The following SMARCA4 variants were observed in gnomAD, a reference collection of about 807,000 sequenced individuals.
The protein encoded by SMARCA4 is SWI/SNF-related matrix-associated actin-dependent regulator of chromatin subfamily A member 4.
Under a neutral mutation model 193.9 loss-of-function variants are expected in SMARCA4, and 31 were observed. That is an observed-to-expected ratio of 0.16 (90% confidence interval 0.12 to 0.22). The LOEUF (loss-of-function observed/expected upper bound fraction) is 0.22, where lower values mean the gene tolerates loss of function less well. Ranked by LOEUF, SMARCA4 falls within the 10% of genes least tolerant of loss-of-function variation. The pLI is 1.00. For missense variants in SMARCA4, 1,148 were observed against 2,296.0 expected (o/e 0.50, Z 10.22); for synonymous variants, 942 against 933.1 (o/e 1.01, Z -0.17).
chr19:11,034,081 C>A lies in SMARCA4; in HGVS notation c.3874-42C>A, dbSNP rs2146675173. Reference sequence around the variant, plus strand: ...CCTCTGAGCTCGGCCGCCGCCCACCCCGGCCCCTCCTCAGCGGCACTGACA... The same window carrying A: ...CCTCTGAGCTCGGCCGCCGCCCACCACGGCCCCTCCTCAGCGGCACTGACA... On this transcript the variant is annotated intron_variant, in intron 27 of 34. Transcript: ENST00000344626. This position sits in a 1 kb window ranked among gnomAD's most constrained non-coding sequence, Gnocchi z 7.0. 1.3e-6 allele frequency: 2 copies of A among 1,532,584 alleles called. No homozygotes were observed. Among genetic ancestry groups the A allele is most frequent in the Non-Finnish European group, 1.8e-6 (2 of 1,106,872 alleles). The allele number at this position is 1,532,584 out of a possible 1,614,324, so 94.9% of individuals were successfully genotyped here. A position where few individuals can be genotyped will look rare whatever the true frequency, so the allele number is the denominator to read the frequency against.
Position 10,993,252 on chromosome 19 carries a change from C to T in SMARCA4, c.1420-1576C>T, listed in dbSNP as rs113650098. Among the ~76,000 whole-genome samples the T allele has an allele frequency of 3.7e-3, 556 of 152,310 alleles. 7 individuals carry two copies. The highest frequency in any genetic ancestry group is 0.012 in the African/African-American group (517 of 41,566). ...CCGCCTGCCTTGGCCTTCCAAAGTG[C>T]TGGAATTACAGGCGTGAGCCGCTGC... is the stretch of plus-strand genomic sequence containing the variant. On this transcript the variant is annotated intron_variant, in intron 8 of 34. Transcript: ENST00000344626.
In SMARCA4 at chr19:11,025,409, A is replaced by G. The variant is rs757235327; in HGVS notation, c.3082-13A>G. On this transcript the variant is annotated splice_polypyrimidine_tract_variant and intron_variant, in intron 21 of 34. Coordinates refer to ENST00000344626, the MANE Select transcript of SMARCA4 (RefSeq NM_003072.5). ...GCAAGACCCCATTTGGGTCCCTCTCATCTGCCTTCCAGGGCAAAGGCGGCA... is the reference window on the plus strand; with the variant it reads ...GCAAGACCCCATTTGGGTCCCTCTCGTCTGCCTTCCAGGGCAAAGGCGGCA... The G allele has an allele frequency of 1.2e-6, 2 of 1,608,076 alleles. No homozygotes were observed. The highest frequency in any genetic ancestry group is 2.2e-5 in the East Asian group (1 of 44,782).
intron 14 of SMARCA4, among the ~76,000 whole-genome samples, chr19:11,009,319 C>T: frequency 6.6e-6 from 1 of 151,948 alleles, no homozygotes; most frequent in East Asian, 1.9e-4. Context: ...CGCACCTGGC[C>T]AGAGTTACTT....
At chr19:11,059,910 G>C (rs555107330) in intron 33 of SMARCA4, 25 bp downstream of exon 33, 1 of 1,613,632 alleles carries the variant, frequency 6.2e-7, no homozygotes, top group Non-Finnish European at 8.5e-7. Context: ...GGTTCAGGAC[G>C]CCGGGGTTCA....
At chr19:11,046,948 C>CAAAAAAAA (rs35450843) in intron 30 of SMARCA4, among the ~76,000 whole-genome samples, 2 of 91,834 alleles carry the variant, frequency 2.2e-5, no homozygotes, top group Non-Finnish European at 2.2e-5. Flanking sequence ...GACCCTGTTG[C>CAAAAAAAA]AAAAAAAAAA....
In SMARCA4 at chr19:10,987,147, G is replaced by A. The variant is rs890563527; in HGVS notation, c.859+144G>A. ...CTGTACTTTTCTTGTGGTGGTCCCC[G>A]GGTCTCCCCTGTAGCCAGTCAGTTC... On this transcript the variant is annotated intron_variant, in intron 5 of 34. Coordinates refer to ENST00000344626, the MANE Select transcript of SMARCA4 (RefSeq NM_003072.5). This position sits in a 1 kb window ranked among gnomAD's most constrained non-coding sequence, Gnocchi z 5.3. 4 of 688,328 alleles carry A rather than the reference G, an allele frequency of 5.8e-6. No homozygotes were observed. Among genetic ancestry groups the A allele is most frequent in the Non-Finnish European group, 1.0e-5 (4 of 381,596 alleles). The allele number at this position is 688,328 out of a possible 1,614,324, so 42.6% of individuals were successfully genotyped here.
At chr19:11,046,451 C>T (rs1163946214) in intron 30 of SMARCA4, among the ~76,000 whole-genome samples, 1 of 152,158 alleles carries the variant, frequency 6.6e-6, no homozygotes, top group East Asian at 1.9e-4. Context: ...TCACATCTTA[C>T]TGGAATGGAT....
At chr19:11,021,244 C>T in intron 18 of SMARCA4, 1 of 321,006 alleles carries the variant, frequency 3.1e-6, no homozygotes, top group Non-Finnish European at 6.2e-6. Context: ...ACCCGCATGG[C>T]CCTGTATGTA....
intron 29 of SMARCA4, chr19:11,039,479 C>G: frequency 6.2e-7 from 1 of 1,602,558 alleles, no homozygotes; most frequent in Non-Finnish European, 8.5e-7. Context: ...AAAAGATATC[C>G]ATGACACAGC....
At chr19:10,976,248 A>G (rs999420589) in intron 1 of SMARCA4, among the ~76,000 whole-genome samples, 1 of 152,114 alleles carries the variant, frequency 6.6e-6, no homozygotes, top group African/African-American at 2.4e-5. Context: ...GTCCTTAGAC[A>G]CCTTTCCTGG....
chr19:10,967,411 C>T (rs1043971552), intron 1 of SMARCA4, among the ~76,000 whole-genome samples: 21 of 151,538 alleles, frequency 1.4e-4, no homozygotes, highest in African/African-American at 3.6e-4. Flanking sequence ...TCCGGGTTCA[C>T]GCCATTCTCC....
At chr19:10,981,901 C>T (rs1481803406) in intron 1 of SMARCA4, among the ~76,000 whole-genome samples, 2 of 151,682 alleles carry the variant, frequency 1.3e-5, no homozygotes, top group South Asian at 2.1e-4. Flanking sequence ...GGCAGGAGGA[C>T]GGCTTGAGCC....
chr19:11,036,552 C>T (rs1190972274), intron 29 of SMARCA4, among the ~76,000 whole-genome samples: 1 of 152,192 alleles, frequency 6.6e-6, no homozygotes, highest in African/African-American at 2.4e-5. Flanking sequence ...AGCCACGGTG[C>T]CCAGCTCAGC....
Position 11,041,663 on chromosome 19 carries a change from C to CT in SMARCA4, c.4424+106dup. On this transcript the variant is annotated intron_variant, in intron 30 of 34. Coordinates refer to ENST00000344626, the MANE Select transcript of SMARCA4 (RefSeq NM_003072.5). This position sits in a 1 kb window ranked among gnomAD's most constrained non-coding sequence, Gnocchi z 5.6. ...CACACTCAGGCTTGGGCCGCTCACTCTTTCACTCATCCACAAACACTGACT... is the reference window on the plus strand; with the variant it reads ...CACACTCAGGCTTGGGCCGCTCACTCTTTTCACTCATCCACAAACACTGACT... The CT allele has an allele frequency of 5.1e-6, 5 of 988,462 alleles. No individual in the cohort carries two copies. Among genetic ancestry groups the CT allele is most frequent in the Non-Finnish European group, 7.6e-6 (5 of 661,442 alleles). 61.2% of individuals were successfully genotyped at this position (988,462 alleles called of 1,614,324 possible). A position where few individuals can be genotyped will look rare whatever the true frequency, so the allele number is the denominator to read the frequency against.
At chr19:10,991,084 CGTGTTTGTCATT>C in intron 7 of SMARCA4, 54 bp from the exon 8 acceptor site, 1 of 1,601,598 alleles carries the variant, frequency 6.2e-7, no homozygotes, top group Non-Finnish European at 8.5e-7. Flanking sequence ...CATCACCATA[CGTGTTTGTCATT>C]GTGGATGCCA....
chr19:11,013,440 A>C (rs1265365588), intron 16 of SMARCA4, among the ~76,000 whole-genome samples: 2 of 151,988 alleles, frequency 1.3e-5, no homozygotes, highest in African/African-American at 2.4e-5. Context: ...CTTTAACTTC[A>C]TTGCCTCTGT....
chr19:11,019,647 C>T lies in SMARCA4; in HGVS notation c.2562C>T (p.Asn854=), dbSNP rs369724341. ...FVPQLRSGKF[N]VLLTTYEYII... is the part of the protein sequence containing the mutation. ...CCCAGCTCCGGAGTGGGAAGTTCAA[C>T]GTCTTGCTGACGACGTACGAGTACA... Residue 854 remains asparagine, a synonymous_variant, in exon 18 of 35, where the codon AAC becomes AAT. Transcript: ENST00000344626. The surrounding 1 kb of genome is among the most constrained non-coding windows in gnomAD (Gnocchi z 6.1). The T allele has an allele frequency of 2.2e-5, 35 of 1,613,592 alleles. No homozygotes were observed. Among genetic ancestry groups the T allele is most frequent in the Admixed American group, 6.7e-5 (4 of 59,970 alleles).
chr19:11,011,523 C>A (rs1430422249), intron 15 of SMARCA4, among the ~76,000 whole-genome samples: 11 of 152,172 alleles, frequency 7.2e-5, no homozygotes, highest in Admixed American at 6.5e-4. Context: ...GTGCACCCAG[C>A]CCCAACTTTC....
chr19:11,034,948 G>A lies in SMARCA4; in HGVS notation c.3986G>A (p.Arg1329His), dbSNP rs1555785361. ...MDLDRRREEA[R>H]NPKRKPRLME... ...CTGGACCGCAGGCGCGAGGAGGCCCGCAACCCCAAGCGGAAGCCGCGCCTC... is the reference window on the plus strand; with the variant it reads ...CTGGACCGCAGGCGCGAGGAGGCCCACAACCCCAAGCGGAAGCCGCGCCTC... The change falls in exon 29 of 35, where the codon CGC becomes CAC. Residue 1329 changes from arginine to histidine, a missense_variant. Transcript: ENST00000344626. The surrounding 1 kb of genome is among the most constrained non-coding windows in gnomAD (Gnocchi z 7.0). The A allele has an allele frequency of 2.5e-6, 4 of 1,588,634 alleles. No homozygotes were observed. The highest frequency in any genetic ancestry group is 3.4e-6 in the Non-Finnish European group (4 of 1,169,014).
Sources: gnomAD v4.1 joint callset for allele counts (sites outside exome capture counted in the v4.1 genomes callset) on GRCh38, gnomAD v4.1.1 for gene constraint, Gnocchi (gnomAD v3.1) non-coding constraint, MANE v1.5 for transcripts, NCBI Gene and HGNC (gene_info 2026-07-23, HGNC 2026-07-21) for gene names.